Variants in AFAP1L2 observed in about 807,000 individuals in gnomAD.
The protein encoded by AFAP1L2 is actin filament associated protein 1 like 2, also known as actin filament-associated protein 1-like 2.
In AFAP1L2, 46 loss-of-function variants were observed where a neutral mutation model predicts 99.3. The ratio of observed to expected loss-of-function variants is 0.46; its 90% CI spans 0.37 to 0.59. AFAP1L2 has a LOEUF of 0.59. Among genes scored for constraint, AFAP1L2 ranks in the 20% least tolerant of loss-of-function variants. The pLI is 0.00. For missense variants in AFAP1L2, 959 were observed against 1,034.9 expected, an observed-to-expected ratio of 0.93 and a Z score of 1.01; for synonymous variants, 397 against 419.1, an observed-to-expected ratio of 0.95 and a Z score of 0.64.
intron 1 of AFAP1L2, among the ~76,000 whole-genome samples, chr10:114,360,193 G>A (rs2052041973): frequency 6.6e-6 from 1 of 152,172 alleles, no homozygotes; most frequent in African/African-American, 2.4e-5. Context: ...AAGACTAAGA[G>A]GGAATTCCTC....
rs535448682 is a variant in AFAP1L2, at chr10:114,318,402, C to T, written c.407-2637G>A. Among the ~76,000 whole-genome samples, 38 of 151,898 alleles carry T rather than the reference C, an allele frequency of 2.5e-4. No homozygotes were observed. The South Asian group carries it at 3.1e-3, about 13-fold the overall frequency. On this transcript the variant is annotated intron_variant, in intron 5 of 18. Transcript: ENST00000304129. ...CATGGGGGTATTAGGAAACTAAGAA[C>T]GGCAAATCATCAACAGGACTAGGTA... is the stretch of plus-strand genomic sequence containing the variant.
At chr10:114,281,084 T>C in the AFAP1L2 span, 1 of 152,218 alleles carries the variant, frequency 6.6e-6, no homozygotes, top group African/African-American at 2.4e-5. Flanking sequence ...TGACTTGGCG[T>C]GTACTCCATT....
intron 2 of AFAP1L2, among the ~76,000 whole-genome samples, chr10:114,334,061 C>T (rs1158443138): frequency 2.6e-5 from 4 of 152,070 alleles, no homozygotes; most frequent in African/African-American, 9.7e-5. Context: ...TGAACGGGGA[C>T]CTGAATAGCC....
chr10:114,361,784 A>G (rs966108304), intron 1 of AFAP1L2, among the ~76,000 whole-genome samples: 11 of 152,120 alleles, frequency 7.2e-5, no homozygotes, highest in Middle Eastern at 3.2e-3. Context: ...TTTTGTCACT[A>G]AATAAAATGG....
chr10:114,392,101 G>C (rs1173513635), intron 1 of AFAP1L2, among the ~76,000 whole-genome samples: 1 of 152,164 alleles, frequency 6.6e-6, no homozygotes, highest in Non-Finnish European at 1.5e-5. Flanking sequence ...CAGAATCCTA[G>C]AAAGAAGAGC....
downstream of AFAP1L2, chr10:114,291,423 A>G (rs977679227): frequency 1.1e-5 from 7 of 664,292 alleles, no homozygotes; most frequent in Admixed American, 3.4e-5. Context: ...AACTGCAGCC[A>G]TGCTGCTTAG....
chr10:114,342,415 G>A (rs1356764341), intron 1 of AFAP1L2, among the ~76,000 whole-genome samples: 3 of 152,196 alleles, frequency 2.0e-5, no homozygotes, highest in South Asian at 2.1e-4. Context: ...CTCTGTGGTG[G>A]GCTAAATATT....
At position 114,318,751 on chromosome 10, in the gene AFAP1L2, A is replaced by AGAAAAAAAGAAAAG. The variant is rs1564851158; in HGVS notation, c.407-2987_407-2986insCTTTTCTTTTTTTC. ...GTGAGACTCTGTCTAAAAAAAAGAA[A>AGAAAAAAAGAAAAG]AAAAAAAGAACAACAAATCATACTC... is the stretch of plus-strand genomic sequence containing the variant. On this transcript the variant is annotated intron_variant, in intron 5 of 18. Coordinates refer to ENST00000304129, the MANE Select transcript of AFAP1L2 (RefSeq NM_001001936.3). Among the ~76,000 whole-genome samples, 13 of 147,844 alleles carry AGAAAAAAAGAAAAG rather than the reference A, an allele frequency of 8.8e-5. No individual in the cohort carries two copies. In the South Asian group the frequency reaches 1.9e-3, roughly 22 times the overall value.
chr10:114,363,743 A>AT (rs2052784931), intron 1 of AFAP1L2, among the ~76,000 whole-genome samples: 1 of 152,158 alleles, frequency 6.6e-6, no homozygotes, highest in Admixed American at 6.5e-5. Context: ...GTCCTCCAAC[A>AT]TTCAGCCGGT....
chr10:114,388,484 T>G (rs544615421), intron 1 of AFAP1L2, among the ~76,000 whole-genome samples: 1 of 152,168 alleles, frequency 6.6e-6, no homozygotes, highest in Non-Finnish European at 1.5e-5. Context: ...CATCCTGCTT[T>G]CTTTCTTCAC....
At chr10:114,369,296 T>TA (rs1198518719) in intron 1 of AFAP1L2, among the ~76,000 whole-genome samples, 2 of 151,914 alleles carry the variant, frequency 1.3e-5, no homozygotes, top group Admixed American at 6.6e-5. Context: ...TGTCTCTATT[T>TA]AAAAAAACAA....
chr10:114,317,025 A>G lies in AFAP1L2; in HGVS notation c.407-1260T>C, dbSNP rs139900812. ...GTCCCCTTGAGTCAGGCTGAATGAC[A>G]CTCTGCCTTCATTCCCATGACACCC... is the stretch of plus-strand genomic sequence containing the variant. On this transcript the variant is annotated intron_variant, in intron 5 of 18. Coordinates refer to ENST00000304129, the MANE Select transcript of AFAP1L2 (RefSeq NM_001001936.3). 4.7e-3 allele frequency among the ~76,000 whole-genome samples: 717 copies of G among 152,214 alleles called. 4 individuals are homozygous for G. The highest frequency in any genetic ancestry group is 8.1e-3 in the South Asian group (39 of 4,822).
intron 1 of AFAP1L2, among the ~76,000 whole-genome samples, chr10:114,397,027 C>T (rs1226970747): frequency 6.6e-6 from 1 of 152,106 alleles, no homozygotes; most frequent in Non-Finnish European, 1.5e-5. Flanking sequence ...ACCCATGATA[C>T]CCAACCTTGA....
chr10:114,336,230 T>C (rs2135750298), intron 2 of AFAP1L2, among the ~76,000 whole-genome samples: 1 of 152,324 alleles, frequency 6.6e-6, no homozygotes, highest in East Asian at 1.9e-4. Context: ...CAAGACCTTC[T>C]GCAATTGTGG....
Position 114,310,406 on chromosome 10 carries a change from G to A in AFAP1L2, c.830C>T (p.Ala277Val), listed in dbSNP as rs996842756. 3.7e-6 allele frequency: 6 copies of A among 1,614,028 alleles called. No individual in the cohort carries two copies. The East Asian group carries it at 1.3e-4, about 36-fold the overall frequency. ...CGGGGTGTACTGGTTTCCTTCAGAT[G>A]CTCCTTCGGAAGGCAGGCCGCTCAC... The part of the protein sequence containing the change: ...QEVSGLPSEG[A>V]SEGNQYTPDA... The change falls in exon 8 of 19, where the codon GCA becomes GTA. Residue 277 changes from alanine (A) to valine (V), a missense_variant. Around this residue, in one of 2 missense-constraint regions of AFAP1L2, gnomAD observed 383 missense variants for 472.8 expected, o/e 0.81. Transcript: ENST00000304129.
chr10:114,341,845 G>A (rs1037767411), intron 1 of AFAP1L2, among the ~76,000 whole-genome samples: 6 of 152,154 alleles, frequency 3.9e-5, no homozygotes, highest in Non-Finnish European at 7.3e-5. Flanking sequence ...TATCCGTATA[G>A]ATCTGCAGCT....
At chr10:114,315,515 C>CCG (rs377755078) in intron 6 of AFAP1L2, 45 bp downstream of exon 6, 111 of 1,603,836 alleles carry the variant, frequency 6.9e-5, no homozygotes, top group Non-Finnish European at 8.1e-5. Flanking sequence ...TGCCCCTTCC[C>CCG]CAAGGAGAGG....
chr10:114,335,677 A>C (rs757659279), intron 2 of AFAP1L2, among the ~76,000 whole-genome samples: 1 of 152,108 alleles, frequency 6.6e-6, no homozygotes, highest in South Asian at 2.1e-4. Flanking sequence ...TTCATCCAGC[A>C]TTGAACTCTA....
intron 1 of AFAP1L2, among the ~76,000 whole-genome samples, chr10:114,384,224 C>T (rs2056167177): frequency 6.6e-6 from 1 of 152,222 alleles, no homozygotes; most frequent in South Asian, 2.1e-4. Context: ...CCTTTCTTGG[C>T]AGCCACGAAT....
Sources: gnomAD v4.1 joint callset for allele counts (sites outside exome capture counted in the v4.1 genomes callset) on GRCh38, gnomAD v4.1.1 for gene constraint, gnomAD v4.1.1 regional missense constraint, MANE v1.5 for transcripts, NCBI Gene and HGNC (gene_info 2026-07-23, HGNC 2026-07-21) for gene names.